ARHGEF26: variants seen among roughly 807,000 people sequenced by gnomAD.
The protein encoded by ARHGEF26 is Rho guanine nucleotide exchange factor 26.
In ARHGEF26, 59 loss-of-function variants were observed where a neutral mutation model predicts 89.4. That is an observed-to-expected ratio of 0.66 (90% confidence interval 0.54 to 0.82). ARHGEF26 has a LOEUF of 0.82. Ranked by LOEUF, ARHGEF26 falls within the 40% of genes least tolerant of loss-of-function variation. ARHGEF26 has a pLI of 0.00. For missense variants in ARHGEF26, 1,234 were observed against 1,085.6 expected (o/e 1.14, Z -1.92); for synonymous variants, 500 against 428.4 (o/e 1.17, Z -2.06).
intron 6 of ARHGEF26, among the ~76,000 whole-genome samples, chr3:154,170,174 C>T (rs1471031361): frequency 4.6e-5 from 7 of 151,884 alleles, no homozygotes; most frequent in African/African-American, 7.3e-5. Context: ...CCAGCCTGGG[C>T]GACAGAGTGA....
chr3:154,252,143 T>G (rs909442352), intron 12 of ARHGEF26, among the ~76,000 whole-genome samples: 1 of 151,880 alleles, frequency 6.6e-6, no homozygotes, highest in South Asian at 2.1e-4. Context: ...GAGAGAAGAG[T>G]TTTTTTCCCC....
intron 12 of ARHGEF26, among the ~76,000 whole-genome samples, chr3:154,243,326 T>C (rs1206316305): frequency 6.6e-6 from 1 of 152,214 alleles, no homozygotes; most frequent in Non-Finnish European, 1.5e-5. Flanking sequence ...TTTTCTTTGG[T>C]TTACAAGGAT....
chr3:154,213,000 G>A (rs969238554), intron 9 of ARHGEF26, among the ~76,000 whole-genome samples: 6 of 152,106 alleles, frequency 3.9e-5, no homozygotes, highest in African/African-American at 1.4e-4. Flanking sequence ...TTCATGGGAA[G>A]AAAAACACAA....
At chr3:154,161,508 A>G (rs1214130294) in intron 6 of ARHGEF26, among the ~76,000 whole-genome samples, 1 of 152,194 alleles carries the variant, frequency 6.6e-6, no homozygotes, top group Non-Finnish European at 1.5e-5. Context: ...TGTTATTACT[A>G]AATGATTTTT....
At chr3:154,167,514 T>C (rs750263350) in intron 6 of ARHGEF26, among the ~76,000 whole-genome samples, 2 of 152,332 alleles carry the variant, frequency 1.3e-5, no homozygotes, top group Non-Finnish European at 1.5e-5. Flanking sequence ...TCTCTAGATA[T>C]AGAAATGCCA....
chr3:154,155,372 T>G (rs759414042), intron 6 of ARHGEF26, among the ~76,000 whole-genome samples: 3 of 151,998 alleles, frequency 2.0e-5, no homozygotes, highest in Non-Finnish European at 2.9e-5. Context: ...TTTGACTAGA[T>G]CAGCAATGTT....
chr3:154,168,526 G>A (rs541385175), intron 6 of ARHGEF26, among the ~76,000 whole-genome samples: 1 of 152,162 alleles, frequency 6.6e-6, no homozygotes, highest in South Asian at 2.1e-4. Context: ...GCAGTGAACC[G>A]AGATCACTCC....
rs1713683967 is a variant in ARHGEF26 at position 154,187,832 on chromosome 3, A to G, written c.1635A>G (p.Lys545=). Residue 545 remains lysine, a synonymous_variant, in exon 7 of 15, where the codon AAA becomes AAG. Coordinates refer to ENST00000465093, the MANE Select transcript of ARHGEF26 (RefSeq NM_015595.4). ...TCTACCAACAACGAACACTACAAAAATTGTTGTAAGCAATGTCGAATGCTA... is the reference window on the plus strand; with the variant it reads ...TCTACCAACAACGAACACTACAAAAGTTGTTGTAAGCAATGTCGAATGCTA... ...NEVYQQRTLQ[K]LLATNPSFKE... is the part of the protein sequence containing the mutation. 5 of 1,608,560 alleles carry G rather than the reference A, an allele frequency of 3.1e-6. No homozygotes were observed. Among genetic ancestry groups the G allele is most frequent in the Non-Finnish European group, 4.2e-6 (5 of 1,176,976 alleles).
chr3:154,204,327 C>CT (rs1714864156), intron 9 of ARHGEF26, among the ~76,000 whole-genome samples: 1 of 101,984 alleles, frequency 9.8e-6, no homozygotes, highest in East Asian at 3.3e-4. Flanking sequence ...GTTTATTTTT[C>CT]TTTTCCTTTT....
intron 4 of ARHGEF26, among the ~76,000 whole-genome samples, 156 bp downstream of exon 4, chr3:154,129,875 A>T (rs1173410203): frequency 6.6e-6 from 1 of 152,230 alleles, no homozygotes; most frequent in South Asian, 2.1e-4. Context: ...CTCTGCCCGC[A>T]CTAATGAGAA....
rs962778581 is a variant in ARHGEF26 at position 154,122,245 on chromosome 3, G to T, written c.253G>T (p.Gly85Cys). 1.9e-6 allele frequency: 3 copies of T among 1,611,126 alleles called. No homozygotes were observed. The African/African-American group carries it at 4.0e-5, about 22-fold the overall frequency. The change falls in exon 2 of 15, where the codon GGC becomes TGC. Residue 85 changes from glycine to cysteine, a missense_variant. Coordinates refer to ENST00000465093, the MANE Select transcript of ARHGEF26 (RefSeq NM_015595.4). The part of the protein sequence containing the change: ...RTVHRSPLLL[G>C]AQRRAVANGG... ...GGTACATAGGAGCCCCCTGCTTCTG[G>T]GCGCCCAGCGGAGAGCGGTGGCCAA...
chr3:154,234,031 T>C (rs1298194875), intron 11 of ARHGEF26, among the ~76,000 whole-genome samples: 1 of 152,250 alleles, frequency 6.6e-6, no homozygotes, highest in Non-Finnish European at 1.5e-5. Context: ...GTGATAAATC[T>C]CAATAGCATC....
At chr3:154,123,162 C>G (rs1718105933) in intron 2 of ARHGEF26, 87 bp downstream of exon 2, 2 of 1,527,538 alleles carry the variant, frequency 1.3e-6, no homozygotes, top group Non-Finnish European at 1.8e-6. Context: ...AGAGGAAACC[C>G]GAAGAAGTCA....
At chr3:154,226,696 C>CACACACACACACACACACACA (rs3223632) in intron 11 of ARHGEF26, among the ~76,000 whole-genome samples, 1 of 145,474 alleles carries the variant, frequency 6.9e-6, no homozygotes, top group Non-Finnish European at 1.5e-5. Flanking sequence ...CACACACACA[C>CACACACACACACACACACACA]CCCTTCAGCT....
chr3:154,250,271 C>T (rs1280642665), intron 12 of ARHGEF26, among the ~76,000 whole-genome samples: 3 of 152,090 alleles, frequency 2.0e-5, no homozygotes, highest in Non-Finnish European at 4.4e-5. Context: ...TCAGGTGATC[C>T]CTGCCTCGGC....
intron 11 of ARHGEF26, among the ~76,000 whole-genome samples, chr3:154,234,821 G>A (rs1034796696): frequency 1.1e-4 from 16 of 151,922 alleles, no homozygotes; most frequent in African/African-American, 2.9e-4. Flanking sequence ...GCTGGAGTGC[G>A]GTGGCGCAAT....
chr3:154,246,018 T>A (rs1355959506), intron 12 of ARHGEF26, among the ~76,000 whole-genome samples: 1 of 152,170 alleles, frequency 6.6e-6, no homozygotes, highest in Admixed American at 6.5e-5. Flanking sequence ...TGGGAAAGTA[T>A]TTCTTCATGA....
intron 6 of ARHGEF26, among the ~76,000 whole-genome samples, chr3:154,185,145 T>C (rs896608978): frequency 6.6e-6 from 1 of 152,246 alleles, no homozygotes; most frequent in African/African-American, 2.4e-5. Context: ...TCACCATACT[T>C]CTGACACCAA....
chr3:154,193,447 G>T (rs76947915), intron 8 of ARHGEF26, among the ~76,000 whole-genome samples: 1,630 of 152,240 alleles, frequency 0.011, 24 homozygotes, highest in African/African-American at 0.037. Context: ...CTTTCAGATG[G>T]CTTGGCTTGG....
Sources: gnomAD v4.1 joint callset for allele counts (sites outside exome capture counted in the v4.1 genomes callset) on GRCh38, gnomAD v4.1.1 for gene constraint, MANE v1.5 for transcripts, NCBI Gene and HGNC (gene_info 2026-07-23, HGNC 2026-07-21) for gene names.